The following MROH2A variants were observed in gnomAD, a reference collection of about 807,000 sequenced individuals.
MROH2A encodes maestro heat-like repeat-containing protein family member 2A.
Under a neutral mutation model 200.4 loss-of-function variants are expected in MROH2A, and 174 were observed. The observed-to-expected ratio is 0.87, with a 90% confidence interval of 0.77 to 0.98. The LOEUF is 0.98. Among genes scored for constraint, MROH2A ranks in the 50% least tolerant of loss-of-function variants. The pLI is 0.00. For synonymous variants in MROH2A, 829 were observed against 840.4 expected, an observed-to-expected ratio of 0.99 and a Z score of 0.23; for missense variants, 2,045 against 2,139.6, an observed-to-expected ratio of 0.96 and a Z score of 0.87.
chr2:233,782,947 A>G (rs891944423), intron 3 of MROH2A, among the ~76,000 whole-genome samples: 1 of 54,494 alleles, frequency 1.8e-5, no homozygotes, highest in African/African-American at 6.3e-5. Flanking sequence ...TTTATCAAAT[A>G]CTTTTTTTAG....
intron 5 of MROH2A, 106 bp downstream of exon 5, chr2:233,790,120 A>C (rs1701624785): frequency 1.8e-6 from 2 of 1,094,062 alleles, no homozygotes; most frequent in South Asian, 1.9e-5. Flanking sequence ...CTTACCTTTC[A>C]TTTCTCTCTT....
chr2:233,784,828 C>G (rs1701113857), intron 3 of MROH2A, among the ~76,000 whole-genome samples: 1 of 152,162 alleles, frequency 6.6e-6, no homozygotes, highest in Admixed American at 6.5e-5. Flanking sequence ...TCCTTTATAG[C>G]AATGCAAGAA....
chr2:233,802,493 T>G (rs1702535102), intron 15 of MROH2A, 178 bp downstream of exon 15: 1 of 679,880 alleles, frequency 1.5e-6, no homozygotes, highest in Non-Finnish European at 2.4e-6. Context: ...TGATCATATC[T>G]AGGTCATGTT....
intron 3 of MROH2A, among the ~76,000 whole-genome samples, chr2:233,782,576 C>T (rs1403971282): frequency 1.3e-5 from 2 of 152,224 alleles, no homozygotes; most frequent in Non-Finnish European, 2.9e-5. Flanking sequence ...TAATCTGCAA[C>T]TTAACTAAAT....
At chr2:233,791,859 A>G (rs1440327084) in intron 5 of MROH2A, among the ~76,000 whole-genome samples, 2 of 151,638 alleles carry the variant, frequency 1.3e-5, no homozygotes, top group Non-Finnish European at 2.9e-5. Flanking sequence ...GGAGGGGAGG[A>G]AGGGAAGGCA....
chr2:233,781,069 CT>C (rs902862250), intron 3 of MROH2A, among the ~76,000 whole-genome samples: 14 of 152,034 alleles, frequency 9.2e-5, no homozygotes, highest in East Asian at 5.8e-4. Flanking sequence ...GACAGGGTTT[CT>C]TTTTTTTATG....
chr2:233,806,345 GT>G (rs1377426912), intron 19 of MROH2A, among the ~76,000 whole-genome samples: 1 of 152,076 alleles, frequency 6.6e-6, no homozygotes, highest in African/African-American at 2.4e-5. Flanking sequence ...CTTCCTGTTT[GT>G]TTTCTCATCT....
In MROH2A at chr2:233,787,819, A is replaced by ACG. The variant is rs368046529; in HGVS notation, c.277-1678_277-1677insCG. On this transcript the variant is annotated intron_variant, in intron 3 of 41. Coordinates refer to ENST00000389758, the MANE Select transcript of MROH2A (RefSeq NM_001394639.1). ...AATATATATTATATATATTATATATAATATATATTATATATACATATATAT... is the reference window on the plus strand; with the variant it reads ...AATATATATTATATATATTATATATACGATATATATTATATATACATATATAT... Among the ~76,000 whole-genome samples the ACG allele has an allele frequency of 3.0e-3, 5 of 1,670 alleles. 2 individuals are homozygous for ACG. Among genetic ancestry groups the ACG allele is most frequent in the African/African-American group, 0.016 (5 of 306 alleles). 1.1% of individuals were successfully genotyped at this position (1,670 alleles called of 152,430 possible).
At chr2:233,793,433 C>T (rs1575927975) in intron 6 of MROH2A, among the ~76,000 whole-genome samples, 1 of 152,334 alleles carries the variant, frequency 6.6e-6, no homozygotes, top group Non-Finnish European at 1.5e-5. Flanking sequence ...CCAGGCCTCG[C>T]CCTTGACCCC....
At chr2:233,814,975 C>T (rs536166926) in intron 26 of MROH2A, among the ~76,000 whole-genome samples, 25 of 152,336 alleles carry the variant, frequency 1.6e-4, no homozygotes, top group Admixed American at 1.5e-3. Context: ...AGTAACAGTA[C>T]TCTCTTATAT....
At chr2:233,803,639 T>C (rs955102908) in intron 16 of MROH2A, among the ~76,000 whole-genome samples, 151 bp downstream of exon 16, 4 of 152,222 alleles carry the variant, frequency 2.6e-5, no homozygotes, top group African/African-American at 9.7e-5. Flanking sequence ...GATCATTCCA[T>C]GTCCCTGAAA....
At chr2:233,799,040 A>G (rs1388795604) in intron 12 of MROH2A, among the ~76,000 whole-genome samples, 190 bp downstream of exon 12, 1 of 152,146 alleles carries the variant, frequency 6.6e-6, no homozygotes, top group African/African-American at 2.4e-5. Flanking sequence ...CATTCTCTCC[A>G]TGGATCTAGA....
intron 31 of MROH2A, among the ~76,000 whole-genome samples, chr2:233,821,364 C>G (rs1703925791): frequency 6.7e-6 from 1 of 149,510 alleles, no homozygotes; most frequent in Admixed American, 6.7e-5. Context: ...ACTCTGCCCC[C>G]TCTCCATTTA....
chr2:233,818,247 C>G (rs571630210), intron 28 of MROH2A, 122 bp downstream of exon 28: 1 of 1,212,496 alleles, frequency 8.2e-7, no homozygotes, highest in Non-Finnish European at 1.1e-6. Context: ...GGCATGGAGA[C>G]AAACACAGGT....
chr2:233,781,929 T>C (rs6735414), intron 3 of MROH2A, among the ~76,000 whole-genome samples: 40,703 of 152,168 alleles, frequency 0.27, 6,485 homozygotes, highest in East Asian at 0.56. Flanking sequence ...TTAGTTTCAT[T>C]CTTCTGCATA....
chr2:233,798,786 G>C lies in MROH2A; in HGVS notation c.1265G>C (p.Ser422Thr). ...TTTCCTCTTTCAGAGCCCAGGATGA[G>C]TATCAGGGCCATCTACCTGGCTATC... is the stretch of plus-strand genomic sequence containing the variant. ...AIVSADEPRM[S>T]IRAIYLAIRV... The change falls in exon 12 of 42, where the codon AGT becomes ACT. Residue 422 changes from serine (S) to threonine (T), a missense_variant. By Grantham distance (58) the Ser-to-Thr change is moderately conservative. This residue lies in a region of MROH2A where 831 missense variants were observed against 800.0 expected (regional missense o/e 1.04). Coordinates refer to ENST00000389758, the MANE Select transcript of MROH2A (RefSeq NM_001394639.1). The C allele has an allele frequency of 6.5e-7, 1 of 1,550,362 alleles. No individual in the cohort carries two copies. The highest frequency in any genetic ancestry group is 8.7e-7 in the Non-Finnish European group (1 of 1,146,800).
At chr2:233,829,149 T>C (rs1465419589) in intron 37 of MROH2A, 77 bp downstream of exon 37, 1 of 1,362,886 alleles carries the variant, frequency 7.3e-7, no homozygotes, top group Non-Finnish European at 9.8e-7. Context: ...AGAGATGGGC[T>C]CTAGAGCAGA....
rs1415704959 is a variant in MROH2A, at chr2:233,826,948, G to T, written c.4114-1682G>T. Among the ~76,000 whole-genome samples the T allele has an allele frequency of 2.6e-5, 4 of 152,324 alleles. No individual in the cohort carries two copies. The East Asian group carries it at 7.7e-4, about 29-fold the overall frequency. The stretch of plus-strand genomic sequence containing the variant: ...GACCCTTCTCAAAGAAGACACTCAT[G>T]CAGCGAATAAACATATGAAAAAAAG... On this transcript the variant is annotated intron_variant, in intron 35 of 41. Transcript: ENST00000389758.
intron 29 of MROH2A, 148 bp downstream of exon 29, chr2:233,818,918 C>G: frequency 1.6e-6 from 1 of 618,648 alleles, no homozygotes; most frequent in South Asian, 2.0e-5. Context: ...CTGCTGCCCT[C>G]TGTGTTGAAA....
Sources: allele counts gnomAD v4.1 joint callset (sites outside exome capture counted in the v4.1 genomes callset), GRCh38; gene constraint gnomAD v4.1.1; regional missense constraint gnomAD v4.1.1; transcripts MANE v1.5; gene names NCBI Gene and HGNC (gene_info 2026-07-23, HGNC 2026-07-21).